FHIT: variants seen among roughly 807,000 people sequenced by gnomAD.
FHIT encodes bis(5'-adenosyl)-triphosphatase.
FHIT carries 19 observed loss-of-function variants against 17.9 expected under a neutral mutation model. The ratio of observed to expected loss-of-function variants is 1.06; its 90% CI spans 0.74 to 1.56. FHIT has a LOEUF of 1.56. FHIT is among the 40% of genes most tolerant of loss of function. FHIT has a pLI of 0.00. For synonymous variants in FHIT, 81 were observed against 69.7 expected (o/e 1.16, Z -0.81); for missense variants, 248 against 189.2 (o/e 1.31, Z -1.82).
At chr3:60,888,069 A>T (rs1354546332) in intron 3 of FHIT, among the ~76,000 whole-genome samples, 1 of 152,134 alleles carries the variant, frequency 6.6e-6, no homozygotes, top group Non-Finnish European at 1.5e-5. Context: ...TCCGGCCTGA[A>T]ATCTGGGGCT....
intron 4 of FHIT, among the ~76,000 whole-genome samples, chr3:60,769,311 C>A (rs528216975): frequency 6.6e-6 from 1 of 152,092 alleles, no homozygotes; most frequent in Non-Finnish European, 1.5e-5. Flanking sequence ...TTTCCCATAC[C>A]AAGAATATAT....
Position 61,107,987 on chromosome 3 carries a change from G to T in FHIT, c.-163-65888C>A, listed in dbSNP as rs1365672683. Among the ~76,000 whole-genome samples the T allele has an allele frequency of 3.9e-5, 6 of 152,278 alleles. No homozygotes were observed. The East Asian group carries it at 1.2e-3, about 29-fold the overall frequency. The stretch of plus-strand genomic sequence containing the variant: ...CGCTTGTTATAGTTCACGATGTACG[G>T]AAAAACCTTTAGGCTGAACTTAAAA... On this transcript the variant is annotated intron_variant, in intron 2 of 9. Transcript: ENST00000492590.
At chr3:59,880,126 C>T (rs1703347296) in intron 8 of FHIT, among the ~76,000 whole-genome samples, 1 of 152,180 alleles carries the variant, frequency 6.6e-6, no homozygotes, top group Admixed American at 6.5e-5. Flanking sequence ...AACGACATCC[C>T]TTTAGGTTTT....
chr3:60,606,574 T>G (rs1037856609), intron 4 of FHIT, among the ~76,000 whole-genome samples: 2 of 152,130 alleles, frequency 1.3e-5, no homozygotes, highest in African/African-American at 4.8e-5. Context: ...TTAGGGACTT[T>G]TCTCCTATTA....
At position 60,173,915 on chromosome 3, in the gene FHIT, A is replaced by ATATTTTTTTT; in HGVS notation, c.104-159764_104-159763insAAAAAAAATA. On this transcript the variant is annotated intron_variant, in intron 5 of 9. Coordinates refer to ENST00000492590, the MANE Select transcript of FHIT (RefSeq NM_002012.4). Reference sequence around the variant, plus strand: ...TATATATATATATATATATATATATATGTTTTTTTTTTTTTTTGAGATCGA... The same window carrying ATATTTTTTTT: ...TATATATATATATATATATATATATATATTTTTTTTTGTTTTTTTTTTTTTTTGAGATCGA... Among the ~76,000 whole-genome samples, 22 of 66,430 alleles carry ATATTTTTTTT rather than the reference A, an allele frequency of 3.3e-4. 1 individual carries two copies. Among genetic ancestry groups the ATATTTTTTTT allele is most frequent in the Non-Finnish European group, 3.9e-4 (14 of 36,118 alleles). The allele number at this position is 66,430 out of a possible 152,430, so 43.6% of individuals were successfully genotyped here. A position where few individuals can be genotyped will look rare whatever the true frequency, so the allele number is the denominator to read the frequency against.
chr3:60,328,240 G>A (rs1709794890), intron 5 of FHIT, among the ~76,000 whole-genome samples: 1 of 152,206 alleles, frequency 6.6e-6, no homozygotes, highest in African/African-American at 2.4e-5. Context: ...CTAGATGAGA[G>A]TGGCAGACTG....
chr3:61,115,107 T>C (rs1576040624), intron 2 of FHIT, among the ~76,000 whole-genome samples: 2 of 152,266 alleles, frequency 1.3e-5, no homozygotes, highest in East Asian at 3.9e-4. Flanking sequence ...GAAATAACTG[T>C]TGTTCTAGGT....
intron 5 of FHIT, among the ~76,000 whole-genome samples, chr3:60,448,219 C>T (rs2031479633): frequency 6.6e-6 from 1 of 152,106 alleles, no homozygotes; most frequent in South Asian, 2.1e-4. Context: ...TTACTAAGAT[C>T]AAATGCCCAG....
intron 5 of FHIT, among the ~76,000 whole-genome samples, chr3:60,042,108 G>C (rs3845972): frequency 7.2e-5 from 11 of 151,952 alleles, no homozygotes; most frequent in Non-Finnish European, 1.3e-4. Context: ...GTACAAAAAC[G>C]CATCTCTTGC....
intron 5 of FHIT, among the ~76,000 whole-genome samples, chr3:60,095,734 T>G (rs1703920145): frequency 6.6e-6 from 1 of 152,198 alleles, no homozygotes; most frequent in Non-Finnish European, 1.5e-5. Flanking sequence ...TCTCACAGGC[T>G]GAGAAAAGGC....
chr3:60,671,142 A>G (rs2107842140), intron 4 of FHIT, among the ~76,000 whole-genome samples: 1 of 152,342 alleles, frequency 6.6e-6, no homozygotes, highest in African/African-American at 2.4e-5. Flanking sequence ...TCAGGTTTCT[A>G]GATTATGCTT....
intron 4 of FHIT, among the ~76,000 whole-genome samples, chr3:60,708,887 G>A (rs1422587674): frequency 3.9e-5 from 6 of 152,162 alleles, no homozygotes; most frequent in Non-Finnish European, 8.8e-5. Context: ...CTCCATGGGG[G>A]GCTGTAGCTA....
intron 3 of FHIT, among the ~76,000 whole-genome samples, chr3:60,829,813 A>T (rs1433620955): frequency 2.0e-5 from 3 of 152,194 alleles, no homozygotes; most frequent in African/African-American, 7.2e-5. Flanking sequence ...TAGCATAAGG[A>T]TTATTTTGAG....
chr3:60,323,229 C>T (rs73103055), intron 5 of FHIT, among the ~76,000 whole-genome samples: 18,320 of 152,168 alleles, frequency 0.12, 1,394 homozygotes, highest in Non-Finnish European at 0.16. Flanking sequence ...ATCACTGTTT[C>T]ACATTCATGA....
intron 4 of FHIT, among the ~76,000 whole-genome samples, chr3:60,781,522 A>ATT (rs1700388848): frequency 5.9e-5 from 9 of 152,300 alleles, no homozygotes; most frequent in African/African-American, 9.6e-5. Context: ...AATCACTGGA[A>ATT]ATGGTCCCAT....
intron 5 of FHIT, among the ~76,000 whole-genome samples, chr3:60,402,330 T>C (rs1277932649): frequency 2.6e-5 from 4 of 152,290 alleles, no homozygotes; most frequent in East Asian, 1.9e-4. Flanking sequence ...AAGCCAACCA[T>C]GAAGTAAATT....
At chr3:60,247,431 G>C (rs1376877294) in intron 5 of FHIT, among the ~76,000 whole-genome samples, 1 of 151,224 alleles carries the variant, frequency 6.6e-6, no homozygotes, top group African/African-American at 2.4e-5. Flanking sequence ...AGATGATGAA[G>C]ATGAAGATGA....
In FHIT at chr3:60,310,603, A is replaced by G. The variant is rs375770665; in HGVS notation, c.103+226257T>C. Among the ~76,000 whole-genome samples the G allele has an allele frequency of 2.8e-4, 43 of 152,246 alleles. 1 individual carries two copies. The East Asian group carries it at 4.5e-3, about 16-fold the overall frequency. ...GAGAGAGCTAACAGCTACTGGGGAAAACTGGAGCCTCCAGTCCAACCTAAC... is the reference window on the plus strand; with the variant it reads ...GAGAGAGCTAACAGCTACTGGGGAAGACTGGAGCCTCCAGTCCAACCTAAC... On this transcript the variant is annotated intron_variant, in intron 5 of 9. Transcript: ENST00000492590.
intron 2 of FHIT, among the ~76,000 whole-genome samples, chr3:61,043,002 C>T (rs573868327): frequency 2.6e-5 from 4 of 152,018 alleles, no homozygotes; most frequent in African/African-American, 7.2e-5. Context: ...CCAAGATGGC[C>T]GAATAGGAAC....
Sources: gnomAD v4.1 joint callset for allele counts (sites outside exome capture counted in the v4.1 genomes callset) on GRCh38, gnomAD v4.1.1 for gene constraint, MANE v1.5 for transcripts, NCBI Gene and HGNC (gene_info 2026-07-23, HGNC 2026-07-21) for gene names.